STK3: variants seen among roughly 807,000 people sequenced by gnomAD.
The protein encoded by STK3 is serine/threonine-protein kinase 3.
STK3 carries 41 observed loss-of-function variants against 58.0 expected under a neutral mutation model. The ratio of observed to expected loss-of-function variants is 0.71; its 90% CI spans 0.55 to 0.92. The LOEUF (loss-of-function observed/expected upper bound fraction) is 0.92. STK3 is among the 40% of genes least tolerant of loss of function. The pLI, the probability that STK3 is intolerant of heterozygous loss-of-function variation, is 0.00. For missense variants in STK3, 479 were observed against 602.7 expected, an observed-to-expected ratio of 0.79 and a Z score of 2.15; for synonymous variants, 170 against 191.0, an observed-to-expected ratio of 0.89 and a Z score of 0.91.
chr8:98,473,184 T>C (rs1396603521), intron 10 of STK3, among the ~76,000 whole-genome samples: 1 of 152,126 alleles, frequency 6.6e-6, no homozygotes, highest in Non-Finnish European at 1.5e-5. Context: ...AGCCCGAAAT[T>C]CTTTCTGAAT....
intron 1 of STK3, among the ~76,000 whole-genome samples, chr8:98,903,818 C>G (rs1423238113): frequency 6.6e-6 from 1 of 152,126 alleles, no homozygotes; most frequent in South Asian, 2.1e-4. Context: ...TTTACTGCAG[C>G]TTTCATTCAA....
At chr8:98,437,734 G>A (rs1287862861) in intron 1 of STK3, 4 of 152,180 alleles carry the variant, frequency 2.6e-5, no homozygotes, top group Non-Finnish European at 5.9e-5. Flanking sequence ...TCTGCCCAGG[G>A]TTGACTCCAC....
At position 98,811,545 on chromosome 8, in the gene STK3, GAA is replaced by G. The variant is rs34121224; in HGVS notation, c.26+13968_26+13969del. Among the ~76,000 whole-genome samples the G allele has an allele frequency of 2.7e-3, 350 of 128,598 alleles. 2 individuals are homozygous for G. The highest frequency in any genetic ancestry group is 0.023 in the South Asian group (99 of 4,218). The allele number at this position is 128,598 out of a possible 152,430, so 84.4% of individuals were successfully genotyped here. A position where few individuals can be genotyped will look rare whatever the true frequency, so the allele number is the denominator to read the frequency against. On this transcript the variant is annotated intron_variant, in intron 1 of 10. Transcript: ENST00000419617. ...GTGTTCCATTTAAGAAAAGAAAAAAGAAAAAAAAAAAAAACCTCTTGTACCCT... is the reference window on the plus strand; with the variant it reads ...GTGTTCCATTTAAGAAAAGAAAAAAGAAAAAAAAAAAACCTCTTGTACCCT...
chr8:98,448,799 A>G (rs1053564439), intron 1 of STK3, among the ~76,000 whole-genome samples: 1 of 152,182 alleles, frequency 6.6e-6, no homozygotes, highest in African/African-American at 2.4e-5. Context: ...TAGATTTGTA[A>G]TTTTTGGTTA....
chr8:98,580,880 G>T (rs1813824094), intron 7 of STK3, among the ~76,000 whole-genome samples: 1 of 152,168 alleles, frequency 6.6e-6, no homozygotes, highest in Non-Finnish European at 1.5e-5. Flanking sequence ...GTTTAAAATG[G>T]CAAACATATC....
intron 3 of STK3, among the ~76,000 whole-genome samples, chr8:98,749,764 A>T (rs538972531): frequency 6.6e-6 from 1 of 152,160 alleles, no homozygotes; most frequent in Non-Finnish European, 1.5e-5. Flanking sequence ...AATATTAATC[A>T]ACTCGAAAAT....
chr8:98,710,763 T>C (rs1355039082), intron 4 of STK3, among the ~76,000 whole-genome samples: 1 of 152,166 alleles, frequency 6.6e-6, no homozygotes, highest in African/African-American at 2.4e-5. Flanking sequence ...GACTTAAATG[T>C]CCCTGTCTGA....
chr8:98,715,952 A>T (rs1194889059), intron 4 of STK3, among the ~76,000 whole-genome samples: 1 of 152,244 alleles, frequency 6.6e-6, no homozygotes, highest in Non-Finnish European at 1.5e-5. Context: ...CTATGCAGCC[A>T]TAAAAAATGA....
At chr8:98,777,970 T>C (rs958829861) in intron 1 of STK3, among the ~76,000 whole-genome samples, 12 of 152,188 alleles carry the variant, frequency 7.9e-5, no homozygotes, top group South Asian at 6.2e-4. Flanking sequence ...TAGGCATGGG[T>C]AAGGACTTCA....
intron 2 of STK3, among the ~76,000 whole-genome samples, chr8:98,772,464 C>G (rs894698149): frequency 6.6e-6 from 1 of 151,980 alleles, no homozygotes; most frequent in Admixed American, 6.6e-5. Flanking sequence ...TTTGGGAGGC[C>G]GAGGTGGGAA....
chr8:98,758,945 C>G (rs79896950), intron 3 of STK3, among the ~76,000 whole-genome samples: 4,975 of 152,276 alleles, frequency 0.033, 111 homozygotes, highest in Non-Finnish European at 0.047. Flanking sequence ...GAATTGAAGA[C>G]AGTAAGGGCA....
chr8:98,893,440 AAG>A (rs1838288673), intron 1 of STK3, among the ~76,000 whole-genome samples: 1 of 88,206 alleles, frequency 1.1e-5, no homozygotes, highest in Admixed American at 1.2e-4. Context: ...GAAAGAAAGA[AAG>A]AAAGAAAGAA....
intron 3 of STK3, among the ~76,000 whole-genome samples, chr8:98,864,493 T>C (rs1837059304): frequency 6.6e-6 from 1 of 152,194 alleles, no homozygotes; most frequent in Non-Finnish European, 1.5e-5. Context: ...CACTAGCTAT[T>C]GGTAATGTCT....
At chr8:98,732,103 C>G (rs1198594954) in intron 4 of STK3, among the ~76,000 whole-genome samples, 1 of 151,936 alleles carries the variant, frequency 6.6e-6, no homozygotes, top group Non-Finnish European at 1.5e-5. Flanking sequence ...TTAGAAAAGT[C>G]AGAAAATAAA....
chr8:98,641,215 C>G (rs1172945465), intron 6 of STK3, among the ~76,000 whole-genome samples: 1 of 152,064 alleles, frequency 6.6e-6, no homozygotes, highest in Non-Finnish European at 1.5e-5. Flanking sequence ...ATATTTAGCT[C>G]TTTTATTTCC....
intron 3 of STK3, among the ~76,000 whole-genome samples, chr8:98,851,793 T>A (rs1836478754): frequency 6.6e-6 from 1 of 151,994 alleles, no homozygotes; most frequent in African/African-American, 2.4e-5. Flanking sequence ...GGCTTTTAAA[T>A]TTTTTTTGAA....
At chr8:98,764,798 C>G (rs181479948) in intron 3 of STK3, among the ~76,000 whole-genome samples, 118 of 152,120 alleles carry the variant, frequency 7.8e-4, no homozygotes, top group African/African-American at 2.7e-3. Context: ...ATAGAGAATA[C>G]AAGTAAACAG....
chr8:98,658,982 A>C (rs886394330), intron 6 of STK3, among the ~76,000 whole-genome samples: 1 of 152,072 alleles, frequency 6.6e-6, no homozygotes, highest in African/African-American at 2.4e-5. Context: ...GCAAATACTT[A>C]TTGTGTTACA....
intron 7 of STK3, among the ~76,000 whole-genome samples, chr8:98,589,121 C>T (rs1814983437): frequency 6.6e-6 from 1 of 152,190 alleles, no homozygotes; most frequent in Non-Finnish European, 1.5e-5. Context: ...CTCCATCCAG[C>T]TTTGTTCCGT....
Sources: allele counts gnomAD v4.1 joint callset (sites outside exome capture counted in the v4.1 genomes callset), GRCh38; gene constraint gnomAD v4.1.1; transcripts MANE v1.5; gene names NCBI Gene and HGNC (gene_info 2026-07-23, HGNC 2026-07-21).